The following TMC2 variants were observed in gnomAD, a reference collection of about 807,000 sequenced individuals.
The protein encoded by TMC2 is transmembrane channel-like protein 2.
In TMC2, 102 loss-of-function variants were observed where a neutral mutation model predicts 105.9. The ratio of observed to expected loss-of-function variants is 0.96; its 90% CI spans 0.82 to 1.14. TMC2 has a LOEUF of 1.14. TMC2 is among the 50% of genes most tolerant of loss of function. TMC2 has a pLI of 0.00. For missense variants in TMC2, 1,093 were observed against 1,134.3 expected, an observed-to-expected ratio of 0.96 and a Z score of 0.52; for synonymous variants, 402 against 422.8, an observed-to-expected ratio of 0.95 and a Z score of 0.60.
chr20:2,602,337 G>C lies in TMC2; in HGVS notation c.1413+36G>C, dbSNP rs188906731. On this transcript the variant is annotated intron_variant, in intron 11 of 19. Transcript: ENST00000358864. Reference sequence around the variant, plus strand: ...CATCGCTGATGAACTGAAGGTTGATGGCAAATACTGAAATCACTGGTTCCT... The same window carrying C: ...CATCGCTGATGAACTGAAGGTTGATCGCAAATACTGAAATCACTGGTTCCT... 8 of 1,462,144 alleles carry C rather than the reference G, an allele frequency of 5.5e-6. No individual in the cohort carries two copies. In the Admixed American group the frequency reaches 1.8e-4, roughly 33 times the overall value. The allele number at this position is 1,462,144 out of a possible 1,614,324, so 90.6% of individuals were successfully genotyped here.
intron 2 of TMC2, among the ~76,000 whole-genome samples, chr20:2,550,392 C>T (rs1336389535): frequency 6.6e-6 from 1 of 152,130 alleles, no homozygotes; most frequent in Non-Finnish European, 1.5e-5. Context: ...AGAGTTTCCA[C>T]GTATAACCTT....
intron 17 of TMC2, among the ~76,000 whole-genome samples, 198 bp from the exon 18 acceptor site, chr20:2,635,728 T>C (rs1174078909): frequency 6.6e-6 from 1 of 152,242 alleles, no homozygotes; most frequent in Non-Finnish European, 1.5e-5. Context: ...TATGTAGTTA[T>C]GCCCACGCAT....
chr20:2,602,763 T>C (rs2086361445), intron 11 of TMC2, among the ~76,000 whole-genome samples: 1 of 152,244 alleles, frequency 6.6e-6, no homozygotes, highest in Non-Finnish European at 1.5e-5. Flanking sequence ...TAAAACACAT[T>C]AAGGTTTTAT....
At chr20:2,637,676 G>A in intron 19 of TMC2, 85 bp downstream of exon 19, 1 of 932,392 alleles carries the variant, frequency 1.1e-6, no homozygotes, top group Admixed American at 2.3e-5. Context: ...AAATCAGACT[G>A]TTCTGGGATT....
At chr20:2,539,650 T>C (rs1457945136) in intron 2 of TMC2, among the ~76,000 whole-genome samples, 1 of 152,196 alleles carries the variant, frequency 6.6e-6, no homozygotes, top group Admixed American at 6.5e-5. Context: ...AACTCAGTCC[T>C]AGAGCTCTCT....
Position 2,620,280 on chromosome 20 carries a change from C to T in TMC2, c.2180+2969C>T, listed in dbSNP as rs779507620. 7.5e-4 allele frequency among the ~76,000 whole-genome samples: 114 copies of T among 152,092 alleles called. 1 individual carries two copies. Among genetic ancestry groups the T allele is most frequent in the Non-Finnish European group, 2.4e-4 (16 of 68,016 alleles). On this transcript the variant is annotated intron_variant, in intron 16 of 19. Coordinates refer to ENST00000358864, the MANE Select transcript of TMC2 (RefSeq NM_080751.3). ...TTTGATGATTCTGGAAATTCTCAGC[C>T]TTATCTAGATTGCAAAATATGCTAA... is the stretch of plus-strand genomic sequence containing the variant.
intron 19 of TMC2, among the ~76,000 whole-genome samples, chr20:2,640,519 GCTC>G (rs2086680835): frequency 6.6e-6 from 1 of 152,108 alleles, no homozygotes; most frequent in Non-Finnish European, 1.5e-5. Context: ...GGGGACCCTG[GCTC>G]CTTCCATCTT....
intron 17 of TMC2, among the ~76,000 whole-genome samples, chr20:2,629,585 C>T (rs2086589193): frequency 6.8e-6 from 1 of 146,960 alleles, no homozygotes. Context: ...AGGGCCATTA[C>T]TAGCCCATAT....
chr20:2,597,031 A>T, intron 9 of TMC2, 120 bp from the exon 10 acceptor site: 1 of 1,109,132 alleles, frequency 9.0e-7, no homozygotes, highest in Non-Finnish European at 1.3e-6. Context: ...TTGTTTTGTC[A>T]CTGAATGTCA....
At chr20:2,621,707 T>C (rs993465327) in intron 16 of TMC2, among the ~76,000 whole-genome samples, 1 of 152,144 alleles carries the variant, frequency 6.6e-6, no homozygotes, top group African/African-American at 2.4e-5. Flanking sequence ...GCTTGGCTGA[T>C]TGGATTTCAA....
intron 2 of TMC2, among the ~76,000 whole-genome samples, chr20:2,546,492 A>G (rs2085927109): frequency 6.6e-6 from 1 of 152,164 alleles, no homozygotes; most frequent in Non-Finnish European, 1.5e-5. Flanking sequence ...AGTTGGGCAT[A>G]AGCTGTAGAT....
intron 14 of TMC2, 73 bp downstream of exon 14, chr20:2,613,395 C>T (rs780240273): frequency 6.3e-7 from 1 of 1,588,978 alleles, no homozygotes; most frequent in African/African-American, 1.3e-5. Flanking sequence ...TAGCCAGATG[C>T]ATTCTTGGGC....
At position 2,560,563 on chromosome 20, in the gene TMC2, C is replaced by T. The variant is rs551189668; in HGVS notation, c.402-1295C>T. ...ATCACTAAAGGAGTCAGAGGCCGGG[C>T]GTGGTGGCTCACGCCTGTAATCCCA... On this transcript the variant is annotated intron_variant, in intron 3 of 19. Coordinates refer to ENST00000358864, the MANE Select transcript of TMC2 (RefSeq NM_080751.3). Among the ~76,000 whole-genome samples, 4 of 152,248 alleles carry T rather than the reference C, an allele frequency of 2.6e-5. No individual in the cohort carries two copies. The South Asian group carries it at 8.3e-4, about 32-fold the overall frequency.
intron 9 of TMC2, among the ~76,000 whole-genome samples, chr20:2,595,583 T>G (rs1262631294): frequency 6.6e-6 from 1 of 152,188 alleles, no homozygotes; most frequent in Non-Finnish European, 1.5e-5. Context: ...CTGTAACTCT[T>G]AATTCCTATT....
intron 3 of TMC2, among the ~76,000 whole-genome samples, chr20:2,559,133 G>A (rs956930494): frequency 6.6e-6 from 1 of 152,162 alleles, no homozygotes; most frequent in Non-Finnish European, 1.5e-5. Flanking sequence ...TCCAGCTGGT[G>A]ACTCACCCCG....
intron 19 of TMC2, 79 bp downstream of exon 19, chr20:2,637,670 C>A: frequency 1.0e-6 from 1 of 985,478 alleles, no homozygotes; most frequent in Non-Finnish European, 1.6e-6. Flanking sequence ...AGCGTGAAAT[C>A]AGACTGTTCT....
chr20:2,626,766 G>T (rs1198350730), intron 17 of TMC2, among the ~76,000 whole-genome samples: 1 of 152,220 alleles, frequency 6.6e-6, no homozygotes, highest in Non-Finnish European at 1.5e-5. Context: ...TCAACTGAAA[G>T]CCTACAGTGT....
At chr20:2,553,044 A>G (rs540683617) in intron 2 of TMC2, among the ~76,000 whole-genome samples, 2 of 152,272 alleles carry the variant, frequency 1.3e-5, no homozygotes, top group Non-Finnish European at 2.9e-5. Flanking sequence ...ACTATCTGTG[A>G]ACAAAGACAG....
intron 2 of TMC2, among the ~76,000 whole-genome samples, chr20:2,557,902 T>C (rs531686014): frequency 6.1e-4 from 93 of 152,312 alleles, no homozygotes; most frequent in African/African-American, 2.1e-3. Context: ...TTTCTTTCCT[T>C]AGCCATTGCA....
Sources: allele counts gnomAD v4.1 joint callset (sites outside exome capture counted in the v4.1 genomes callset), GRCh38; gene constraint gnomAD v4.1.1; transcripts MANE v1.5; gene names NCBI Gene and HGNC (gene_info 2026-07-23, HGNC 2026-07-21).